The following DOCK3 variants were observed in gnomAD, a reference collection of about 807,000 sequenced individuals.
DOCK3 encodes the protein dedicator of cytokinesis protein 3.
DOCK3 carries 60 observed loss-of-function variants against 265.6 expected under a neutral mutation model. The observed-to-expected ratio is 0.23, with a 90% CI of 0.18 to 0.28. The LOEUF (loss-of-function observed/expected upper bound fraction) is 0.28, where lower values mean the gene tolerates loss of function less well. Ranked by LOEUF, DOCK3 falls within the 10% of genes least tolerant of loss-of-function variation. The probability of loss-of-function intolerance (pLI) is 1.00; values close to 1 mark genes in which losing one functional copy is unlikely to be tolerated. For synonymous variants in DOCK3, 881 were observed against 938.0 expected (o/e 0.94, Z 1.11); for missense variants, 1,981 against 2,594.3 (o/e 0.76, Z 5.14).
At chr3:51,211,058 CTGTT>C (rs2089470570) in intron 13 of DOCK3, among the ~76,000 whole-genome samples, 1 of 152,052 alleles carries the variant, frequency 6.6e-6, no homozygotes, top group Admixed American at 6.6e-5. Context: ...CACAAGTTTT[CTGTT>C]TATTTTAAAA....
chr3:51,212,219 T>C (rs1448849105), intron 13 of DOCK3, among the ~76,000 whole-genome samples: 1 of 152,184 alleles, frequency 6.6e-6, no homozygotes, highest in Non-Finnish European at 1.5e-5. Flanking sequence ...TTTCTCTTAT[T>C]TGTTATGTTT....
chr3:51,260,320 T>C lies in DOCK3; in HGVS notation c.2349T>C (p.Phe783=), dbSNP rs2079783490. The change falls in exon 23 of 53, where the codon TTT becomes TTC. Residue 783 remains phenylalanine, a synonymous_variant. Coordinates refer to ENST00000266037, the MANE Select transcript of DOCK3 (RefSeq NM_004947.5). The part of the protein sequence containing the change: ...LDSRNSETLL[F]TQAALLNSFP... The stretch of plus-strand genomic sequence containing the variant: ...GCCGAAACTCAGAAACACTCCTTTT[T>C]ACTCAGGTTCGCACACTGCAGGGAA... The C allele has an allele frequency of 6.2e-7, 1 of 1,613,530 alleles. No individual in the cohort carries two copies. Among genetic ancestry groups the C allele is most frequent in the Admixed American group, 1.7e-5 (1 of 59,968 alleles).
rs149404416 is a variant in DOCK3 at position 51,066,741 on chromosome 3, T to C, written c.464+2145T>C. 6.8e-3 allele frequency among the ~76,000 whole-genome samples: 1,031 copies of C among 152,256 alleles called. 4 individuals carry two copies. Among genetic ancestry groups the C allele is most frequent in the Admixed American group, 0.01 (156 of 15,294 alleles). On this transcript the variant is annotated intron_variant, in intron 6 of 52. Coordinates refer to ENST00000266037, the MANE Select transcript of DOCK3 (RefSeq NM_004947.5). The stretch of plus-strand genomic sequence containing the variant: ...TAATCAACAGTAGATCACACCCAAA[T>C]TGGTAGTGTTCATCAGTAGAAAAGA...
At chr3:50,840,368 A>G (rs983379555) in intron 2 of DOCK3, among the ~76,000 whole-genome samples, 1 of 152,174 alleles carries the variant, frequency 6.6e-6, no homozygotes, top group Non-Finnish European at 1.5e-5. Flanking sequence ...AAGGTCTACG[A>G]TCCATTTTGA....
intron 22 of DOCK3, among the ~76,000 whole-genome samples, chr3:51,248,758 T>G (rs1355202810): frequency 3.9e-5 from 5 of 128,968 alleles, no homozygotes; most frequent in African/African-American, 6.1e-5. Flanking sequence ...GAGCGCCTCT[T>G]CCCGGCCGCC....
intron 1 of DOCK3, chr3:50,719,883 T>C: frequency 1.6e-6 from 1 of 644,018 alleles, no homozygotes; most frequent in East Asian, 2.9e-5. Flanking sequence ...TTTTCTGCTG[T>C]TTTTGAAACT....
intron 14 of DOCK3, among the ~76,000 whole-genome samples, chr3:51,216,213 C>A (rs1284689507): frequency 1.3e-5 from 2 of 152,192 alleles, no homozygotes; most frequent in African/African-American, 4.8e-5. Context: ...TAGAAAGGAA[C>A]AAGCTTCAGT....
At chr3:50,853,913 T>C (rs908980572) in intron 3 of DOCK3, among the ~76,000 whole-genome samples, 1 of 151,558 alleles carries the variant, frequency 6.6e-6, no homozygotes, top group Non-Finnish European at 1.5e-5. Flanking sequence ...GGGGCTGAAC[T>C]AATTACATTC....
intron 5 of DOCK3, among the ~76,000 whole-genome samples, chr3:50,935,306 T>G (rs180963647): frequency 6.6e-6 from 1 of 152,296 alleles, no homozygotes; most frequent in East Asian, 1.9e-4. Flanking sequence ...CAGTACTGTT[T>G]TATACATACA....
At chr3:50,721,619 G>A (rs1475133085) in intron 1 of DOCK3, among the ~76,000 whole-genome samples, 2 of 152,144 alleles carry the variant, frequency 1.3e-5, no homozygotes, top group Non-Finnish European at 2.9e-5. Flanking sequence ...AAGGTTTGAA[G>A]TCAGGTAATG....
intron 9 of DOCK3, among the ~76,000 whole-genome samples, chr3:51,095,925 A>G (rs1450290584): frequency 6.7e-6 from 1 of 148,718 alleles, no homozygotes; most frequent in Non-Finnish European, 1.5e-5. Context: ...AAAAAAAAAA[A>G]GAATGTTGAC....
intron 5 of DOCK3, among the ~76,000 whole-genome samples, chr3:51,044,361 T>C (rs567340152): frequency 2.6e-5 from 4 of 152,086 alleles, no homozygotes; most frequent in African/African-American, 7.2e-5. Context: ...TTCTCACTTA[T>C]AAGTGGAAGC....
chr3:50,947,025 C>T (rs879314774), intron 5 of DOCK3, among the ~76,000 whole-genome samples: 1 of 152,106 alleles, frequency 6.6e-6, no homozygotes. Context: ...AAACCAAACA[C>T]AAACCTAATT....
intron 2 of DOCK3, among the ~76,000 whole-genome samples, chr3:50,834,855 T>C (rs193118671): frequency 1.2e-3 from 189 of 152,102 alleles, no homozygotes; most frequent in Middle Eastern, 3.4e-3. Context: ...AAAATCCTTC[T>C]TTTTATTAAA....
At chr3:51,350,520 C>A in intron 40 of DOCK3, 128 bp downstream of exon 40, 1 of 1,013,478 alleles carries the variant, frequency 9.9e-7, no homozygotes, top group Admixed American at 2.9e-5. Flanking sequence ...AACCAGTTAA[C>A]AACAGGCATT....
rs141046408 is a variant in DOCK3 at position 50,877,650 on chromosome 3, T to TTTTTCTTTTCTTTTC, written c.163-12356_163-12342dup. The TTTTTCTTTTCTTTTC allele has an allele frequency of 4.3e-3, 1,669 of 389,326 alleles. 27 individuals carry two copies. Among genetic ancestry groups the TTTTTCTTTTCTTTTC allele is most frequent in the African/African-American group, 0.034 (1,515 of 45,128 alleles). 24.1% of individuals were successfully genotyped at this position (389,326 alleles called of 1,614,324 possible). A position where few individuals can be genotyped will look rare whatever the true frequency, so the allele number is the denominator to read the frequency against. ...TATCTAGGGCTTCAATGGCAGCCACTTTTTCTTTTCTTTTCTTTTCTTTTC... is the reference window on the plus strand; with the variant it reads ...TATCTAGGGCTTCAATGGCAGCCACTTTTTCTTTTCTTTTCTTTTCTTTTCTTTTCTTTTCTTTTC... On this transcript the variant is annotated intron_variant, in intron 3 of 52. Coordinates refer to ENST00000266037, the MANE Select transcript of DOCK3 (RefSeq NM_004947.5).
chr3:50,900,403 C>T (rs61627377), intron 4 of DOCK3, among the ~76,000 whole-genome samples: 10,906 of 152,112 alleles, frequency 0.072, 975 homozygotes, highest in East Asian at 0.33. Context: ...TTCTTAGCTT[C>T]GTTGCATTGG....
chr3:51,381,575 CT>C lies in DOCK3; in HGVS notation c.*17del. Reference sequence around the variant, plus strand: ...GGAGCAGTGAGGGGCAACGAGGCGGCTGGGATGCCGCCCTCAGTAAGCAGCT... The same window carrying C: ...GGAGCAGTGAGGGGCAACGAGGCGGCGGGATGCCGCCCTCAGTAAGCAGCT... On this transcript the variant is annotated 3_prime_UTR_variant, in exon 53 of 53. Transcript: ENST00000266037. The surrounding 1 kb of genome is among the most constrained non-coding windows in gnomAD (Gnocchi z 5.6). 2 of 1,484,804 alleles carry C rather than the reference CT, an allele frequency of 1.3e-6. No individual in the cohort carries two copies. Among genetic ancestry groups the C allele is most frequent in the Non-Finnish European group, 1.8e-6 (2 of 1,121,020 alleles). 92.0% of individuals were successfully genotyped at this position (1,484,804 alleles called of 1,614,324 possible). A position where few individuals can be genotyped will look rare whatever the true frequency, so the allele number is the denominator to read the frequency against.
At chr3:51,004,491 A>G (rs1317605635) in intron 5 of DOCK3, among the ~76,000 whole-genome samples, 2 of 152,290 alleles carry the variant, frequency 1.3e-5, no homozygotes, top group East Asian at 3.9e-4. Flanking sequence ...GCTATAGAGA[A>G]CTAAAATAAT....
Sources: gnomAD v4.1 joint callset for allele counts (sites outside exome capture counted in the v4.1 genomes callset) on GRCh38, gnomAD v4.1.1 for gene constraint, Gnocchi (gnomAD v3.1) non-coding constraint, MANE v1.5 for transcripts, NCBI Gene and HGNC (gene_info 2026-07-23, HGNC 2026-07-21) for gene names.